The following MAPRE2 variants were observed in gnomAD, a reference collection of about 807,000 sequenced individuals.
The protein encoded by MAPRE2 is microtubule associated protein RP/EB family member 2, also known as microtubule-associated protein RP/EB family member 2.
In MAPRE2, 13 loss-of-function variants were observed where a neutral mutation model predicts 43.2. That is an observed-to-expected ratio of 0.30 (90% CI 0.20 to 0.48). MAPRE2 has a LOEUF of 0.48. Ranked by LOEUF, MAPRE2 falls within the 20% of genes least tolerant of loss-of-function variation. The probability of loss-of-function intolerance (pLI) is 0.99; values close to 1 mark genes in which losing one functional copy is unlikely to be tolerated. For missense variants in MAPRE2, 161 were observed against 400.2 expected, an observed-to-expected ratio of 0.40 and a Z score of 5.10; for synonymous variants, 135 against 148.8, an observed-to-expected ratio of 0.91 and a Z score of 0.68.
intron 2 of MAPRE2, chr18:35,081,894 T>G (rs1408724043): frequency 6.6e-6 from 1 of 152,136 alleles, no homozygotes; most frequent in African/African-American, 2.4e-5. Context: ...GTATAACTGT[T>G]GATAGTATGA....
At chr18:35,051,167 C>A (rs1905916990) in intron 1 of MAPRE2, among the ~76,000 whole-genome samples, 1 of 152,074 alleles carries the variant, frequency 6.6e-6, no homozygotes, top group African/African-American at 2.4e-5. Flanking sequence ...GCCTCCCTAC[C>A]CCCACCCCAT....
At chr18:35,066,853 G>GAAGT (rs1225390563) in intron 1 of MAPRE2, among the ~76,000 whole-genome samples, 2 of 152,210 alleles carry the variant, frequency 1.3e-5, no homozygotes, top group Non-Finnish European at 2.9e-5. Context: ...AGTGCGCTTA[G>GAAGT]AAGTACCTTG....
chr18:35,056,779 C>G (rs1215246414), intron 1 of MAPRE2, among the ~76,000 whole-genome samples: 1 of 152,152 alleles, frequency 6.6e-6, no homozygotes, highest in Non-Finnish European at 1.5e-5. Flanking sequence ...TGTTACTGTT[C>G]TGTCTTTATC....
At chr18:35,056,343 A>G (rs1038520597) in intron 1 of MAPRE2, among the ~76,000 whole-genome samples, 4 of 152,214 alleles carry the variant, frequency 2.6e-5, no homozygotes, top group African/African-American at 4.8e-5. Flanking sequence ...TAAAGCTGAA[A>G]TAATATAAAG....
At chr18:35,039,923 C>T (rs919658417), upstream of MAPRE2, among the ~76,000 whole-genome samples, 1 of 152,168 alleles carries the variant, frequency 6.6e-6, no homozygotes, top group African/African-American at 2.4e-5. Flanking sequence ...CCTTCAAAAT[C>T]TCTCCTGGCT....
chr18:35,070,841 G>A (rs1459021511), intron 2 of MAPRE2, among the ~76,000 whole-genome samples: 1 of 152,068 alleles, frequency 6.6e-6, no homozygotes, highest in Non-Finnish European at 1.5e-5. Context: ...GTATCCCATA[G>A]CTTTTTTCAT....
At chr18:35,109,428 T>G (rs1909069701) in intron 4 of MAPRE2, among the ~76,000 whole-genome samples, 1 of 152,240 alleles carries the variant, frequency 6.6e-6, no homozygotes, top group African/African-American at 2.4e-5. Context: ...TAGAACTGTC[T>G]TGGCTATACA....
chr18:35,076,560 C>T (rs2144117415), intron 2 of MAPRE2, among the ~76,000 whole-genome samples: 1 of 152,128 alleles, frequency 6.6e-6, no homozygotes, highest in Non-Finnish European at 1.5e-5. Flanking sequence ...TTTCATTTAC[C>T]CTGACAGACT....
At chr18:35,031,048 C>T (rs546752865) in intron 2 of MAPRE2, among the ~76,000 whole-genome samples, 1 of 152,314 alleles carries the variant, frequency 6.6e-6, no homozygotes, top group East Asian at 1.9e-4. Context: ...AAAATTACAA[C>T]ACCCTTCCTC....
At chr18:34,998,127 C>T (rs1427321898) in intron 1 of MAPRE2, among the ~76,000 whole-genome samples, 1 of 151,958 alleles carries the variant, frequency 6.6e-6, no homozygotes, top group East Asian at 1.9e-4. Flanking sequence ...CTGATGTGGC[C>T]CCCAAACCTT....
chr18:35,114,693 C>G (rs1209790283), intron 4 of MAPRE2, among the ~76,000 whole-genome samples: 1 of 152,198 alleles, frequency 6.6e-6, no homozygotes, highest in East Asian at 1.9e-4. Context: ...ACACAGAGCT[C>G]TGCAGAGGAG....
At position 35,105,094 on chromosome 18, in the gene MAPRE2, C is replaced by T. The variant is rs981508756; in HGVS notation, c.610+2935C>T. Among the ~76,000 whole-genome samples the T allele has an allele frequency of 3.3e-5, 5 of 152,046 alleles. No individual in the cohort carries two copies. In the East Asian group the frequency reaches 9.6e-4, roughly 29 times the overall value. ...CCTTGGCCTCGTTTTCTAGGAATTCCCTCATCTGTCTTTCACAAAAGCTGC... is the reference window on the plus strand; with the variant it reads ...CCTTGGCCTCGTTTTCTAGGAATTCTCTCATCTGTCTTTCACAAAAGCTGC... On this transcript the variant is annotated intron_variant, in intron 4 of 6. Coordinates refer to ENST00000300249, the MANE Select transcript of MAPRE2 (RefSeq NM_014268.4).
rs566130865 is a variant in MAPRE2 at position 35,125,100 on chromosome 18, AAAG to A, written c.611-1844_611-1842del. 1.9e-4 allele frequency among the ~76,000 whole-genome samples: 29 copies of A among 152,302 alleles called. 2 individuals are homozygous for A. In the South Asian group the frequency reaches 5.6e-3, roughly 29 times the overall value. On this transcript the variant is annotated intron_variant, in intron 4 of 6. Coordinates refer to ENST00000300249, the MANE Select transcript of MAPRE2 (RefSeq NM_014268.4). ...ATATTAGGCACCTCCCTGTGTTTTT[AAAG>A]AAGTTTATTTTTTAAAAATTTTTAA...
At chr18:35,020,164 T>G (rs2097041010) in intron 2 of MAPRE2, among the ~76,000 whole-genome samples, 1 of 152,078 alleles carries the variant, frequency 6.6e-6, no homozygotes, top group African/African-American at 2.4e-5. Flanking sequence ...GCAATTCAGA[T>G]GAATCACAGA....
chr18:35,081,513 A>G (rs1355653654), intron 2 of MAPRE2, among the ~76,000 whole-genome samples: 2 of 152,094 alleles, frequency 1.3e-5, no homozygotes, highest in African/African-American at 2.4e-5. Flanking sequence ...CTTTCTCTGG[A>G]CGGGACTCTT....
At chr18:34,985,882 T>G (rs2097020746) in intron 1 of MAPRE2, among the ~76,000 whole-genome samples, 1 of 150,860 alleles carries the variant, frequency 6.6e-6, no homozygotes, top group South Asian at 2.1e-4. Context: ...ATTCTATACA[T>G]GTAGCACTAA....
intron 1 of MAPRE2, among the ~76,000 whole-genome samples, chr18:35,003,050 T>C (rs1346757320): frequency 6.6e-6 from 1 of 152,168 alleles, no homozygotes; most frequent in African/African-American, 2.4e-5. Flanking sequence ...TATGCCATGA[T>C]CCATTTTGAG....
chr18:35,082,344 T>C (rs1907682935), intron 2 of MAPRE2: 1 of 150,792 alleles, frequency 6.6e-6, no homozygotes, highest in Non-Finnish European at 1.5e-5. Context: ...AACTTAAAAA[T>C]GGCATTCTCT....
At chr18:35,048,554 CAT>C (rs1382269547) in intron 1 of MAPRE2, among the ~76,000 whole-genome samples, 2 of 149,642 alleles carry the variant, frequency 1.3e-5, no homozygotes, top group African/African-American at 2.4e-5. Flanking sequence ...TATATTCACA[CAT>C]ATATAGTAGT....
Sources: allele counts gnomAD v4.1 joint callset (sites outside exome capture counted in the v4.1 genomes callset), GRCh38; gene constraint gnomAD v4.1.1; transcripts MANE v1.5; gene names NCBI Gene and HGNC (gene_info 2026-07-23, HGNC 2026-07-21).